NFKB1: variants seen among roughly 807,000 people sequenced by gnomAD.
NFKB1 encodes the protein nuclear factor kappa B subunit 1.
Under a neutral mutation model 105.1 loss-of-function variants are expected in NFKB1, and 9 were observed. The ratio of observed to expected loss-of-function variants is 0.09; its 90% CI spans 0.05 to 0.15. The LOEUF is 0.15. Among genes scored for constraint, NFKB1 ranks in the 10% least tolerant of loss-of-function variants. The pLI, the probability that NFKB1 is intolerant of heterozygous loss-of-function variation, is 1.00. For missense variants in NFKB1, 830 were observed against 1,203.7 expected (o/e 0.69, Z 4.59); for synonymous variants, 440 against 442.2 (o/e 1.00, Z 0.06).
At position 102,606,705 on chromosome 4, in the gene NFKB1, A is replaced by ACAAT. The variant is rs1727773084; in HGVS notation, c.1954+11_1954+14dup. ...ACCACCCCAACGGGGACGGTAAGAG[A>ACAAT]CAATCACACATCATTGGTGTAACTT... On this transcript the variant is annotated intron_variant, in intron 17 of 23. Transcript: ENST00000226574. 6.2e-7 allele frequency: 1 copy of ACAAT among 1,611,568 alleles called. No homozygotes were observed. Among genetic ancestry groups the ACAAT allele is most frequent in the Non-Finnish European group, 8.5e-7 (1 of 1,178,182 alleles).
At chr4:102,602,551 A>G (rs1727266808) in intron 16 of NFKB1, among the ~76,000 whole-genome samples, 1 of 152,088 alleles carries the variant, frequency 6.6e-6, no homozygotes, top group Non-Finnish European at 1.5e-5. Context: ...AAAAAAAAAA[A>G]AAAGTGTGCT....
chr4:102,580,806 CTG>C (rs1429086960), intron 9 of NFKB1, among the ~76,000 whole-genome samples, 167 bp downstream of exon 9: 1 of 152,168 alleles, frequency 6.6e-6, no homozygotes, highest in African/African-American at 2.4e-5. Flanking sequence ...TGTAAATTGT[CTG>C]TGTTATTTTT....
At chr4:102,571,738 C>G (rs1217455881) in intron 6 of NFKB1, among the ~76,000 whole-genome samples, 1 of 152,186 alleles carries the variant, frequency 6.6e-6, no homozygotes, top group African/African-American at 2.4e-5. Context: ...AAAAAATGCT[C>G]TCATTATCAC....
chr4:102,611,290 C>T (rs1728388338), intron 20 of NFKB1, among the ~76,000 whole-genome samples: 1 of 152,120 alleles, frequency 6.6e-6, no homozygotes, highest in Non-Finnish European at 1.5e-5. Flanking sequence ...ACGAGAGCTG[C>T]TCCACTTCTA....
At chr4:102,515,104 A>ATTTTTTTTTTTT (rs761237095) in intron 1 of NFKB1, among the ~76,000 whole-genome samples, 48 of 113,478 alleles carry the variant, frequency 4.2e-4, no homozygotes, top group Middle Eastern at 4.4e-3. Flanking sequence ...TATTATTATT[A>ATTTTTTTTTTTT]TTATTTTTTT....
At chr4:102,554,286 A>T (rs1327165928) in intron 5 of NFKB1, among the ~76,000 whole-genome samples, 2 of 152,204 alleles carry the variant, frequency 1.3e-5, no homozygotes, top group African/African-American at 4.8e-5. Context: ...ACTTCAGGCT[A>T]GGCCTGTAAA....
intron 1 of NFKB1, among the ~76,000 whole-genome samples, chr4:102,514,508 A>G (rs547365021): frequency 2.2e-4 from 34 of 152,316 alleles, no homozygotes; most frequent in Non-Finnish European, 1.5e-4. Flanking sequence ...CCCTCACCAG[A>G]TACCAAATGC....
At chr4:102,612,174 G>A in intron 21 of NFKB1, 64 bp downstream of exon 21, 2 of 1,432,340 alleles carry the variant, frequency 1.4e-6, no homozygotes, top group Non-Finnish European at 2.0e-6. Context: ...TTTAAAGGGA[G>A]GAACCAGCAT....
chr4:102,594,663 A>T (rs917199730), intron 12 of NFKB1, among the ~76,000 whole-genome samples: 4 of 152,066 alleles, frequency 2.6e-5, no homozygotes, highest in Non-Finnish European at 5.9e-5. Context: ...CCCCTCCCCA[A>T]ATCTGGGGTG....
At chr4:102,569,688 A>G (rs1724166003) in intron 6 of NFKB1, among the ~76,000 whole-genome samples, 1 of 152,174 alleles carries the variant, frequency 6.6e-6, no homozygotes, top group African/African-American at 2.4e-5. Context: ...TAAATTGTCA[A>G]AACCAAAAGA....
At chr4:102,525,873 A>C (rs993245406) in intron 2 of NFKB1, among the ~76,000 whole-genome samples, 3 of 152,170 alleles carry the variant, frequency 2.0e-5, no homozygotes, top group African/African-American at 7.2e-5. Flanking sequence ...ACATTATTTC[A>C]CAGTTCTGGG....
intron 1 of NFKB1, among the ~76,000 whole-genome samples, chr4:102,511,563 C>G (rs1739782532): frequency 6.6e-6 from 1 of 152,006 alleles, no homozygotes; most frequent in Non-Finnish European, 1.5e-5. Flanking sequence ...GTGGTCCCAG[C>G]TCTTCAGGAG....
chr4:102,519,503 TA>T (rs564821901), intron 1 of NFKB1, among the ~76,000 whole-genome samples: 1 of 149,830 alleles, frequency 6.7e-6, no homozygotes, highest in Non-Finnish European at 1.5e-5. Context: ...AATTTTTTTT[TA>T]AAAAAAGAAC....
chr4:102,512,485 A>G (rs1739846335), intron 1 of NFKB1, among the ~76,000 whole-genome samples: 1 of 152,138 alleles, frequency 6.6e-6, no homozygotes, highest in South Asian at 2.1e-4. Flanking sequence ...AGTAGGTGGG[A>G]CTACAGGCAT....
chr4:102,603,667 A>C (rs1727416497), intron 16 of NFKB1, among the ~76,000 whole-genome samples: 1 of 152,178 alleles, frequency 6.6e-6, no homozygotes, highest in East Asian at 1.9e-4. Context: ...TGAACTCTTG[A>C]TTATCTGTTG....
chr4:102,612,465 G>C lies in NFKB1; in HGVS notation c.2451G>C (p.Lys817Asn), dbSNP rs139661580. The C allele has an allele frequency of 1.9e-6, 3 of 1,613,446 alleles. No homozygotes were observed. Among genetic ancestry groups the C allele is most frequent in the African/African-American group, 1.3e-5 (1 of 74,912 alleles). Residue 817 changes from lysine (K) to asparagine (N), a missense_variant, in exon 22 of 24, where the codon AAG (lysine) becomes AAC (asparagine). This residue lies in a region of NFKB1 where 418 missense variants were observed against 575.3 expected (regional missense o/e 0.73). Coordinates refer to ENST00000226574, the MANE Select transcript of NFKB1 (RefSeq NM_003998.4). Reference protein sequence around the residue: ...GDMKQLAEDVKLQLYKLLEIP... With the variant: ...GDMKQLAEDVNLQLYKLLEIP... Reference sequence around the variant, plus strand: ...TGAAACAGCTGGCTGAAGATGTGAAGCTGCAGCTGTATAAGTTACTAGAAA... The same window carrying C: ...TGAAACAGCTGGCTGAAGATGTGAACCTGCAGCTGTATAAGTTACTAGAAA...
At chr4:102,528,446 A>G (rs1741067987) in intron 2 of NFKB1, among the ~76,000 whole-genome samples, 1 of 152,184 alleles carries the variant, frequency 6.6e-6, no homozygotes, top group Non-Finnish European at 1.5e-5. Context: ...CTGTTTATTT[A>G]AACGAGATTT....
In NFKB1 at chr4:102,569,209, C is replaced by T. The variant is rs557716437; in HGVS notation, c.407+2074C>T. Among the ~76,000 whole-genome samples, 14 of 152,162 alleles carry T rather than the reference C, an allele frequency of 9.2e-5. No individual in the cohort carries two copies. The East Asian group carries it at 1.2e-3, about 13-fold the overall frequency. On this transcript the variant is annotated intron_variant, in intron 6 of 23. Coordinates refer to ENST00000226574, the MANE Select transcript of NFKB1 (RefSeq NM_003998.4). ...TATTGCATTTATGTAGAAAGAACAT[C>T]GTGCTAGCATTCTGGAAACCAGTAT...
chr4:102,611,416 A>G (rs577357672), intron 20 of NFKB1, among the ~76,000 whole-genome samples: 148 of 152,326 alleles, frequency 9.7e-4, no homozygotes, highest in African/African-American at 3.2e-3. Context: ...GAACACAAAA[A>G]GATGATGCAC....
Sources: gnomAD v4.1 joint callset for allele counts (sites outside exome capture counted in the v4.1 genomes callset) on GRCh38, gnomAD v4.1.1 for gene constraint, gnomAD v4.1.1 regional missense constraint, MANE v1.5 for transcripts, NCBI Gene and HGNC (gene_info 2026-07-23, HGNC 2026-07-21) for gene names.